Variants in LFNG observed in about 807,000 individuals in gnomAD.
LFNG encodes the protein LFNG O-fucosylpeptide 3-beta-N-acetylglucosaminyltransferase, also known as beta-1,3-N-acetylglucosaminyltransferase lunatic fringe.
A neutral mutation model predicts 32.7 loss-of-function variants in LFNG; 15 were observed. The ratio of observed to expected loss-of-function variants is 0.46; its 90% CI spans 0.31 to 0.71. LFNG has a LOEUF of 0.71. Ranked by LOEUF, LFNG falls within the 30% of genes least tolerant of loss-of-function variation. The pLI is 0.06. For synonymous variants in LFNG, 274 were observed against 246.8 expected (o/e 1.11, Z -1.03); for missense variants, 520 against 545.7 (o/e 0.95, Z 0.47).
rs1779736792 is a variant in LFNG at position 2,519,939 on chromosome 7, C to T, written c.78C>T (p.Ala26=). Residue 26 remains alanine, a synonymous_variant, in exon 1 of 8, where the codon GCC becomes GCT. Transcript: ENST00000222725. ...TCGCCTGCCTGCTGGTGCTCACCGCCGACCCGCCGCCGCCTCCACTGCCCG... is the reference window on the plus strand; with the variant it reads ...TCGCCTGCCTGCTGGTGCTCACCGCTGACCCGCCGCCGCCTCCACTGCCCG... The part of the protein sequence containing the change: ...ALLACLLVLT[A]DPPPPPLPAE... 2 of 1,023,926 alleles carry T rather than the reference C, an allele frequency of 2.0e-6. No individual in the cohort carries two copies. Among genetic ancestry groups the T allele is most frequent in the Non-Finnish European group, 2.3e-6 (2 of 857,180 alleles). The allele number at this position is 1,023,926 out of a possible 1,614,324, so 63.4% of individuals were successfully genotyped here. A position where few individuals can be genotyped will look rare whatever the true frequency, so the allele number is the denominator to read the frequency against.
upstream of LFNG, among the ~76,000 whole-genome samples, chr7:2,515,753 G>A (rs1377550760): frequency 6.6e-6 from 1 of 152,230 alleles, no homozygotes; most frequent in African/African-American, 2.4e-5. Context: ...AAGGGCACTG[G>A]CCCAAGACCA....
rs1311746798 is a variant in LFNG at position 2,526,771 on chromosome 7, C to A, written c.988-65C>A. ...CGTTGCCTCACTCAGGGCTGTGTGGCCAGCCTGGGGCGGGGCCCAGGGATG... is the reference window on the plus strand; with the variant it reads ...CGTTGCCTCACTCAGGGCTGTGTGGACAGCCTGGGGCGGGGCCCAGGGATG... On this transcript the variant is annotated intron_variant, in intron 6 of 7. Transcript: ENST00000222725. The surrounding 1 kb of genome is among the most constrained non-coding windows in gnomAD (Gnocchi z 6.9). The A allele has an allele frequency of 4.0e-6, 6 of 1,511,028 alleles. No individual in the cohort carries two copies. In the African/African-American group the frequency reaches 5.5e-5, roughly 14 times the overall value. The allele number at this position is 1,511,028 out of a possible 1,614,324, so 93.6% of individuals were successfully genotyped here.
Position 2,520,019 on chromosome 7 carries a change from C to T in LFNG, c.158C>T (p.Pro53Leu). The T allele has an allele frequency of 2.5e-5, 25 of 1,003,300 alleles. No homozygotes were observed. Among genetic ancestry groups the T allele is most frequent in the Non-Finnish European group, 2.8e-5 (24 of 845,170 alleles). 62.1% of individuals were successfully genotyped at this position (1,003,300 alleles called of 1,614,324 possible). Residue 53 changes from proline (P) to leucine (L), a missense_variant, in exon 1 of 8, where the codon CCG becomes CTG. This residue lies in a region of LFNG where 360 missense variants were observed against 354.7 expected (regional missense o/e 1.01). Transcript: ENST00000222725. This position sits in a 1 kb window ranked among gnomAD's most constrained non-coding sequence, Gnocchi z 5.0. ...RSLAGPAGAAPAPGLGAAAAA... is the reference protein window; with the variant it reads ...RSLAGPAGAALAPGLGAAAAA... ...CTGGCGGGCCCCGCGGGGGCTGCCC[C>T]GGCGCCCGGGCTGGGGGCGGCGGCG...
chr7:2,521,547 C>T (rs1779792814), intron 1 of LFNG, among the ~76,000 whole-genome samples: 3 of 152,326 alleles, frequency 2.0e-5, no homozygotes, highest in South Asian at 2.1e-4. Context: ...AGGGGACCAG[C>T]GGGCCCCCCC....
At chr7:2,517,180 C>G (rs893756696), upstream of LFNG, among the ~76,000 whole-genome samples, 1 of 152,132 alleles carries the variant, frequency 6.6e-6, no homozygotes, top group Admixed American at 6.5e-5. Context: ...CCTGGGGAAG[C>G]GGGCGGGGGT....
In LFNG at chr7:2,527,800, G is replaced by A; in HGVS notation, c.*588G>A. On this transcript the variant is annotated 3_prime_UTR_variant, in exon 8 of 8. Coordinates refer to ENST00000222725, the MANE Select transcript of LFNG (RefSeq NM_001040167.2). This position sits in a 1 kb window ranked among gnomAD's most constrained non-coding sequence, Gnocchi z 4.4. ...CGCCCAGTTCCAGTGGCCCCACGAA[G>A]CCCCCAGTGGCTGGCTGTCCAGCTG... is the stretch of plus-strand genomic sequence containing the variant. 1.0e-6 allele frequency: 1 copy of A among 1,003,326 alleles called. No individual in the cohort carries two copies. The highest frequency in any genetic ancestry group is 1.2e-6 in the Non-Finnish European group (1 of 839,278). The allele number at this position is 1,003,326 out of a possible 1,614,324, so 62.2% of individuals were successfully genotyped here.
chr7:2,518,466 G>T, upstream of LFNG: 2 of 824,546 alleles, frequency 2.4e-6, no homozygotes, highest in South Asian at 1.3e-5. Context: ...CCTTAGCGGG[G>T]GGAGAGGGTC....
Position 2,527,043 on chromosome 7 carries a change from T to C in LFNG, c.1074-103T>C. On this transcript the variant is annotated intron_variant, in intron 7 of 7. Coordinates refer to ENST00000222725, the MANE Select transcript of LFNG (RefSeq NM_001040167.2). This position sits in a 1 kb window ranked among gnomAD's most constrained non-coding sequence, Gnocchi z 4.4. Reference sequence around the variant, plus strand: ...CTCTACATAGAGGTGTCCCCCGGAGTCCTGCTTGCTCGGGGTGGGGCCGCC... The same window carrying C: ...CTCTACATAGAGGTGTCCCCCGGAGCCCTGCTTGCTCGGGGTGGGGCCGCC... The C allele has an allele frequency of 7.0e-7, 1 of 1,423,230 alleles. No homozygotes were observed. Among genetic ancestry groups the C allele is most frequent in the South Asian group, 1.2e-5 (1 of 85,076 alleles). 88.2% of individuals were successfully genotyped at this position (1,423,230 alleles called of 1,614,324 possible).
chr7:2,524,382 C>T (rs1002719960), intron 1 of LFNG, among the ~76,000 whole-genome samples: 4 of 152,170 alleles, frequency 2.6e-5, no homozygotes, highest in South Asian at 2.1e-4. Context: ...GGCGGGCGGG[C>T]GAGGCGCACC....
Position 2,527,233 on chromosome 7 carries a change from T to A in LFNG, c.*21T>A. 6.2e-7 allele frequency: 1 copy of A among 1,611,128 alleles called. No homozygotes were observed. The highest frequency in any genetic ancestry group is 1.1e-5 in the South Asian group (1 of 90,974). ...TCTAGTGGCCATGGCTGAGACCCAA[T>A]CCCTGGGCGCCCCTGGTATCCAAAG... On this transcript the variant is annotated 3_prime_UTR_variant, in exon 8 of 8. Coordinates refer to ENST00000222725, the MANE Select transcript of LFNG (RefSeq NM_001040167.2). The surrounding 1 kb of genome is among the most constrained non-coding windows in gnomAD (Gnocchi z 4.4).
chr7:2,526,297 C>G lies in LFNG; in HGVS notation c.875C>G (p.Thr292Ser). 2 of 1,612,986 alleles carry G rather than the reference C, an allele frequency of 1.2e-6. No homozygotes were observed. Among genetic ancestry groups the G allele is most frequent in the Non-Finnish European group, 1.7e-6 (2 of 1,179,974 alleles). The change falls in exon 6 of 8, where the codon ACC becomes AGC. Residue 292 changes from threonine (T) to serine (S), a missense_variant. By Grantham distance (58) the Thr-to-Ser change is moderately conservative (BLOSUM62 1). This residue lies in a region of LFNG where 150 missense variants were observed against 159.9 expected (regional missense o/e 0.94). Transcript: ENST00000222725. This position sits in a 1 kb window ranked among gnomAD's most constrained non-coding sequence, Gnocchi z 6.9. ...AERIRLPDDC[T>S]IGYIVEALLG... ...CGGATCCGGCTGCCTGATGACTGCA[C>G]CATCGGCTACATCGTGGAGGCCCTG...
Position 2,520,112 on chromosome 7 carries a change from C to T in LFNG, c.251C>T (p.Ala84Val), listed in dbSNP as rs1313444007. 3.7e-6 allele frequency: 5 copies of T among 1,349,950 alleles called. No individual in the cohort carries two copies. Among genetic ancestry groups the T allele is most frequent in the Non-Finnish European group, 2.9e-6 (3 of 1,040,972 alleles). 83.6% of individuals were successfully genotyped at this position (1,349,950 alleles called of 1,614,324 possible). A position where few individuals can be genotyped will look rare whatever the true frequency, so the allele number is the denominator to read the frequency against. The change falls in exon 1 of 8, where the codon GCG becomes GTG. Residue 84 changes from alanine to valine, a missense_variant. Coordinates refer to ENST00000222725, the MANE Select transcript of LFNG (RefSeq NM_001040167.2). The surrounding 1 kb of genome is among the most constrained non-coding windows in gnomAD (Gnocchi z 5.0). ...LSEYFSLLTR[A>V]RRDAGPPPGA... is the part of the protein sequence containing the mutation. The stretch of plus-strand genomic sequence containing the variant: ...GAGTACTTCAGCCTGCTCACCCGCG[C>T]GCGCAGAGATGCGGGCCCGCCGCCC...
In LFNG at chr7:2,524,735, G is replaced by A; in HGVS notation, c.473G>A (p.Arg158Lys). The change falls in exon 2 of 8, where the codon AGG becomes AAG. Residue 158 changes from arginine (R) to lysine (K), a missense_variant. Arg to Lys is a conservative substitution (Grantham distance 26, BLOSUM62 2). This residue lies in a region of LFNG where 360 missense variants were observed against 354.7 expected (regional missense o/e 1.01). Transcript: ENST00000222725. Reference sequence around the variant, plus strand: ...GACGGGGAAGATGAGGCCCTGGCCAGGCACACGGGTGAGCCCTGGACTTGG... The same window carrying A: ...GACGGGGAAGATGAGGCCCTGGCCAAGCACACGGGTGAGCCCTGGACTTGG... ...FTDGEDEALA[R>K]HTGNVVITNC... 2 of 1,589,670 alleles carry A rather than the reference G, an allele frequency of 1.3e-6. No homozygotes were observed. Among genetic ancestry groups the A allele is most frequent in the African/African-American group, 2.7e-5 (2 of 74,750 alleles).
chr7:2,515,943 C>T (rs1779617533), upstream of LFNG, among the ~76,000 whole-genome samples: 1 of 152,244 alleles, frequency 6.6e-6, no homozygotes, highest in South Asian at 2.1e-4. Flanking sequence ...GTGCTGAGCC[C>T]AGCCAACCTT....
chr7:2,527,313 G>A lies in LFNG; in HGVS notation c.*101G>A. On this transcript the variant is annotated 3_prime_UTR_variant, in exon 8 of 8. Coordinates refer to ENST00000222725, the MANE Select transcript of LFNG (RefSeq NM_001040167.2). The surrounding 1 kb of genome is among the most constrained non-coding windows in gnomAD (Gnocchi z 4.4). ...CCTCGGCATTCGAGGCTCCCCTAGG[G>A]CCGTGCCTGTGCGTGTGCGTGTGCG... The A allele has an allele frequency of 6.5e-7, 1 of 1,550,034 alleles. No homozygotes were observed. The highest frequency in any genetic ancestry group is 1.2e-5 in the South Asian group (1 of 86,366).
At chr7:2,525,609 C>G in intron 4 of LFNG, 42 bp downstream of exon 4, 1 of 1,611,750 alleles carries the variant, frequency 6.2e-7, no homozygotes, top group Non-Finnish European at 8.5e-7. Flanking sequence ...CCACGCGGAG[C>G]GCACACCCGG....
At position 2,526,292 on chromosome 7, in the gene LFNG, C is replaced by T. The variant is rs757292451; in HGVS notation, c.870C>T (p.Asp290=). ...CTGAGCGGATCCGGCTGCCTGATGACTGCACCATCGGCTACATCGTGGAGG... is the reference window on the plus strand; with the variant it reads ...CTGAGCGGATCCGGCTGCCTGATGATTGCACCATCGGCTACATCGTGGAGG... ...NTAERIRLPD[D]CTIGYIVEAL... The change falls in exon 6 of 8, where the codon GAC becomes GAT. Residue 290 remains aspartate (D), a synonymous_variant. Transcript: ENST00000222725. This position sits in a 1 kb window ranked among gnomAD's most constrained non-coding sequence, Gnocchi z 6.9. 2.5e-5 allele frequency: 41 copies of T among 1,612,918 alleles called. 1 individual carries two copies. In the Admixed American group the frequency reaches 6.5e-4, roughly 26 times the overall value.
upstream of LFNG, chr7:2,513,303 C>T (rs1296417880): frequency 1.2e-6 from 2 of 1,607,994 alleles, no homozygotes; most frequent in Non-Finnish European, 1.7e-6. Flanking sequence ...GCTCTCAGGT[C>T]CTACGGAGGT....
rs148214906 is a variant in LFNG, at chr7:2,526,480, G to T, written c.987+71G>T. ...GGGACGTGTGGCTGCCGAGAGGGGC[G>T]CAGTGGGGTGGGGCACTGTTCTAAA... On this transcript the variant is annotated intron_variant, in intron 6 of 7. Transcript: ENST00000222725. The surrounding 1 kb of genome is among the most constrained non-coding windows in gnomAD (Gnocchi z 6.9). 3 of 1,531,216 alleles carry T rather than the reference G, an allele frequency of 2.0e-6. No individual in the cohort carries two copies. Among genetic ancestry groups the T allele is most frequent in the Non-Finnish European group, 2.7e-6 (3 of 1,121,100 alleles). 94.9% of individuals were successfully genotyped at this position (1,531,216 alleles called of 1,614,324 possible). A position where few individuals can be genotyped will look rare whatever the true frequency, so the allele number is the denominator to read the frequency against.
Sources: allele counts gnomAD v4.1 joint callset (sites outside exome capture counted in the v4.1 genomes callset), GRCh38; gene constraint gnomAD v4.1.1; regional missense constraint gnomAD v4.1.1; non-coding constraint Gnocchi (gnomAD v3.1); transcripts MANE v1.5; gene names NCBI Gene and HGNC (gene_info 2026-07-23, HGNC 2026-07-21).